Variants in ADGRL2 observed in about 807,000 individuals in gnomAD.
ADGRL2 encodes calcium-independent alpha-latrotoxin receptor 2.
Under a neutral mutation model 157.4 loss-of-function variants are expected in ADGRL2, and 44 were observed. The observed-to-expected ratio is 0.28, with a 90% CI of 0.22 to 0.36. The LOEUF (loss-of-function observed/expected upper bound fraction) is 0.36, where lower values mean the gene tolerates loss of function less well. Among genes scored for constraint, ADGRL2 ranks in the 10% least tolerant of loss-of-function variants. The pLI is 1.00. For synonymous variants in ADGRL2, 585 were observed against 624.7 expected (o/e 0.94, Z 0.95); for missense variants, 1,510 against 1,768.9 (o/e 0.85, Z 2.63).
At chr1:81,794,978 T>G (rs2087517463) in intron 2 of ADGRL2, among the ~76,000 whole-genome samples, 2 of 152,210 alleles carry the variant, frequency 1.3e-5, no homozygotes, top group African/African-American at 4.8e-5. Context: ...ATAGTTATAT[T>G]GATTAGAGAA....
rs2085623391 is a variant in ADGRL2 at position 81,754,714 on chromosome 1, C to T, written c.-142-7097C>T. On this transcript the variant is annotated intron_variant, in intron 1 of 20. Transcript: ENST00000359929. ...CCTCCCTTCCTTCCTTCCTCTCTCT[C>T]TCTTTCTTTTTTTCTTTCTTTCAAT... is the stretch of plus-strand genomic sequence containing the variant. 3.4e-5 allele frequency among the ~76,000 whole-genome samples: 5 copies of T among 147,550 alleles called. No homozygotes were observed. In the South Asian group the frequency reaches 1.1e-3, roughly 32 times the overall value.
intron 3 of ADGRL2, among the ~76,000 whole-genome samples, chr1:81,633,586 A>C (rs1557522612): frequency 8.5e-6 from 1 of 118,060 alleles, no homozygotes. Flanking sequence ...ACAGAGCAAG[A>C]CTCTGTCTCA....
rs769993520 is a variant in ADGRL2, at chr1:81,943,626, A to G, written c.1067A>G (p.Glu356Gly). 1 of 1,613,664 alleles carries G rather than the reference A, an allele frequency of 6.2e-7. No homozygotes were observed. The highest frequency in any genetic ancestry group is 8.5e-7 in the Non-Finnish European group (1 of 1,179,706). Residue 356 changes from glutamate (E) to glycine (G), a missense_variant, in exon 6 of 24, where the codon GAA becomes GGA. Glu to Gly is a moderately conservative substitution (Grantham distance 98, BLOSUM62 -2). Around this residue, in one of 4 missense-constraint regions of ADGRL2, gnomAD observed 361 missense variants for 498.4 expected, o/e 0.72. Transcript: ENST00000686636. The surrounding 1 kb of genome is among the most constrained non-coding windows in gnomAD (Gnocchi z 5.6). ...YIYNTRLNRG[E>G]YVDVPFPNQY... ...TATAATACCCGATTAAACCGAGGAG[A>G]ATATGTAGATGTTCCCTTCCCCAAC...
chr1:81,574,415 T>C (rs919482734), intron 2 of ADGRL2, among the ~76,000 whole-genome samples: 2 of 152,254 alleles, frequency 1.3e-5, no homozygotes, highest in East Asian at 1.9e-4. Context: ...CAGATTATAA[T>C]TGGGCATCAT....
At chr1:81,446,180 G>T (rs1476544306) in intron 2 of ADGRL2, among the ~76,000 whole-genome samples, 1 of 152,156 alleles carries the variant, frequency 6.6e-6, no homozygotes, top group Non-Finnish European at 1.5e-5. Context: ...GCTCGCTCTA[G>T]GTGGTGTGAC....
intron 9 of ADGRL2, 69 bp from the exon 10 acceptor site, chr1:81,952,918 A>G (rs1390064815): frequency 7.9e-7 from 1 of 1,272,706 alleles, no homozygotes; most frequent in Non-Finnish European, 1.1e-6. Flanking sequence ...ATTTTTGAGG[A>G]TTTCTTCTTT....
At chr1:81,925,835 T>G (rs1475361161) in intron 3 of ADGRL2, among the ~76,000 whole-genome samples, 2 of 152,000 alleles carry the variant, frequency 1.3e-5, no homozygotes, top group African/African-American at 4.8e-5. Flanking sequence ...ATTCAGAGAT[T>G]TATAATACTG....
At chr1:81,724,310 T>C (rs2084435983) in intron 1 of ADGRL2, among the ~76,000 whole-genome samples, 1 of 152,176 alleles carries the variant, frequency 6.6e-6, no homozygotes, top group Non-Finnish European at 1.5e-5. Context: ...AAAATACCTA[T>C]TGGAATTAGA....
chr1:81,431,942 C>T (rs950098542), intron 1 of ADGRL2, among the ~76,000 whole-genome samples: 1 of 152,092 alleles, frequency 6.6e-6, no homozygotes, highest in Admixed American at 6.5e-5. Flanking sequence ...AATGAAATGC[C>T]GGGAGGGAGA....
intron 3 of ADGRL2, among the ~76,000 whole-genome samples, chr1:81,600,598 T>A (rs763550868): frequency 1.3e-5 from 2 of 152,244 alleles, no homozygotes; most frequent in Non-Finnish European, 2.9e-5. Flanking sequence ...AGATAATAAT[T>A]TAGAGACTAA....
intron 3 of ADGRL2, among the ~76,000 whole-genome samples, chr1:81,604,926 G>A (rs545933176): frequency 6.6e-5 from 10 of 152,296 alleles, no homozygotes; most frequent in South Asian, 2.1e-4. Flanking sequence ...AAGATATTAT[G>A]TTTATTCATT....
intron 2 of ADGRL2, among the ~76,000 whole-genome samples, chr1:81,468,585 C>T (rs1214984920): frequency 6.6e-6 from 1 of 152,074 alleles, no homozygotes; most frequent in Non-Finnish European, 1.5e-5. Flanking sequence ...TTTGAAGTCA[C>T]CTCGGAAATT....
At chr1:81,707,819 G>T (rs1360018732) in intron 1 of ADGRL2, among the ~76,000 whole-genome samples, 1 of 152,096 alleles carries the variant, frequency 6.6e-6, no homozygotes, top group African/African-American at 2.4e-5. Context: ...ACTACATGCA[G>T]ATACCCCTTT....
chr1:81,653,961 C>G (rs2082476953), intron 3 of ADGRL2, among the ~76,000 whole-genome samples: 2 of 151,980 alleles, frequency 1.3e-5, no homozygotes, highest in Non-Finnish European at 2.9e-5. Context: ...TTAATTGAGA[C>G]AGAGTCTCAT....
chr1:81,749,130 A>G (rs753367582), intron 1 of ADGRL2, among the ~76,000 whole-genome samples: 1 of 152,168 alleles, frequency 6.6e-6, no homozygotes, highest in African/African-American at 2.4e-5. Context: ...TTTTTACCTT[A>G]AAAATTCCAC....
intron 2 of ADGRL2, among the ~76,000 whole-genome samples, chr1:81,484,545 A>T (rs2078459138): frequency 6.6e-6 from 1 of 152,196 alleles, no homozygotes; most frequent in Non-Finnish European, 1.5e-5. Context: ...CCAGTAGCAG[A>T]AAGGGCCACT....
In ADGRL2 at chr1:81,553,154, A is replaced by G. The variant is rs960893006; in HGVS notation, c.-247-27722A>G. On this transcript the variant is annotated intron_variant, in intron 2 of 24. Transcript: ENST00000370721. Reference sequence around the variant, plus strand: ...AATAAATTTTTAGTGTTTCTGAAAAACACATAAAAATTTTCAGTATTATTT... The same window carrying G: ...AATAAATTTTTAGTGTTTCTGAAAAGCACATAAAAATTTTCAGTATTATTT... 1.1e-3 allele frequency among the ~76,000 whole-genome samples: 160 copies of G among 152,182 alleles called. 1 individual carries two copies. Among genetic ancestry groups the G allele is most frequent in the African/African-American group, 3.6e-3 (148 of 41,440 alleles).
chr1:81,532,168 G>T (rs2079615932), intron 2 of ADGRL2, among the ~76,000 whole-genome samples: 1 of 152,134 alleles, frequency 6.6e-6, no homozygotes, highest in Non-Finnish European at 1.5e-5. Flanking sequence ...GCTTAAATGT[G>T]CATAGGAGTT....
chr1:81,803,784 G>A (rs1225917295), intron 1 of ADGRL2, among the ~76,000 whole-genome samples: 1 of 151,964 alleles, frequency 6.6e-6, no homozygotes. Context: ...ATTTTATTCT[G>A]CATTCTTTCA....
Sources: allele counts gnomAD v4.1 joint callset (sites outside exome capture counted in the v4.1 genomes callset), GRCh38; gene constraint gnomAD v4.1.1; regional missense constraint gnomAD v4.1.1; non-coding constraint Gnocchi (gnomAD v3.1); transcripts MANE v1.5; gene names NCBI Gene and HGNC (gene_info 2026-07-23, HGNC 2026-07-21).